PYROXD1: variants seen among roughly 807,000 people sequenced by gnomAD.
PYROXD1 encodes the protein pyridine nucleotide-disulphide oxidoreductase domain 1, also known as tRNA ligase complex-associated NAD(P)H dehydrogenase PYROXD1.
A neutral mutation model predicts 62.0 loss-of-function variants in PYROXD1; 42 were observed. The observed-to-expected ratio is 0.68, with a 90% CI of 0.53 to 0.88. PYROXD1 has a LOEUF of 0.88. Ranked by LOEUF, PYROXD1 falls within the 40% of genes least tolerant of loss-of-function variation. The pLI is 0.00. For missense variants in PYROXD1, 493 were observed against 604.8 expected (o/e 0.82, Z 1.94); for synonymous variants, 170 against 206.4 (o/e 0.82, Z 1.51).
chr12:21,460,949 G>GT (rs1942685900), intron 7 of PYROXD1, 76 bp from the exon 8 acceptor site: 7 of 926,744 alleles, frequency 7.6e-6, no homozygotes, highest in Middle Eastern at 3.7e-4. Flanking sequence ...ACAAGTATAC[G>GT]TTTTTTCTTC....
intron 5 of PYROXD1, among the ~76,000 whole-genome samples, chr12:21,452,834 AG>A (rs1297481867): frequency 6.6e-6 from 1 of 152,110 alleles, no homozygotes; most frequent in Non-Finnish European, 1.5e-5. Context: ...CAAACCACAA[AG>A]AGGACAAATT....
Position 21,461,152 on chromosome 12 carries a change from C to G in PYROXD1, c.878C>G (p.Thr293Arg). The G allele has an allele frequency of 1.3e-6, 2 of 1,517,162 alleles. No homozygotes were observed. The highest frequency in any genetic ancestry group is 1.8e-6 in the Non-Finnish European group (2 of 1,134,142). The allele number at this position is 1,517,162 out of a possible 1,614,324, so 94.0% of individuals were successfully genotyped here. A position where few individuals can be genotyped will look rare whatever the true frequency, so the allele number is the denominator to read the frequency against. The change falls in exon 8 of 12, where the codon ACA becomes AGA. Residue 293 changes from threonine to arginine, a missense_variant and splice_region_variant. Thr to Arg is a moderately conservative substitution (Grantham distance 71). Coordinates refer to ENST00000240651, the MANE Select transcript of PYROXD1 (RefSeq NM_024854.5). ...PRDHKSVTAD[T>R]EMWPVYVELT... ...GACCATAAGTCAGTTACAGCTGATA[C>G]AGGCAAGTAATGAAATAAGAAAAAA...
chr12:21,470,988 G>A lies in PYROXD1; in HGVS notation c.*2234G>A, dbSNP rs1473374235. ...ATTTACCCTGAAAGAGTTCTGCGTGGACTTTGTCACTTGCATAGTAATAGC... is the reference window on the plus strand; with the variant it reads ...ATTTACCCTGAAAGAGTTCTGCGTGAACTTTGTCACTTGCATAGTAATAGC... On this transcript the variant is annotated 3_prime_UTR_variant, in exon 12 of 12. Transcript: ENST00000240651. 6 of 1,557,674 alleles carry A rather than the reference G, an allele frequency of 3.9e-6. No individual in the cohort carries two copies. The highest frequency in any genetic ancestry group is 1.2e-5 in the South Asian group (1 of 81,504).
At chr12:21,458,803 C>T (rs544096570) in intron 7 of PYROXD1, among the ~76,000 whole-genome samples, 6 of 152,180 alleles carry the variant, frequency 3.9e-5, no homozygotes, top group Non-Finnish European at 5.9e-5. Flanking sequence ...CACCCCAAGA[C>T]AATTACAGTA....
At chr12:21,440,500 C>T (rs1380592026) in intron 2 of PYROXD1, 52 bp downstream of exon 2, 3 of 991,468 alleles carry the variant, frequency 3.0e-6, no homozygotes, top group South Asian at 1.4e-5. Flanking sequence ...ATTGCAATAA[C>T]TTGCATAGCA....
At chr12:21,441,607 G>A (rs146887556) in intron 2 of PYROXD1, among the ~76,000 whole-genome samples, 77 of 151,670 alleles carry the variant, frequency 5.1e-4, no homozygotes, top group Non-Finnish European at 7.9e-4. Context: ...ATCTTTCATC[G>A]TCAGAATTTC....
chr12:21,461,265 A>G, intron 8 of PYROXD1, 111 bp downstream of exon 8: 1 of 665,184 alleles, frequency 1.5e-6, no homozygotes, highest in Non-Finnish European at 2.3e-6. Flanking sequence ...TAAAATTTAA[A>G]CATGAAAAGT....
intron 1 of PYROXD1, among the ~76,000 whole-genome samples, chr12:21,439,612 A>AT (rs989885357): frequency 4.6e-5 from 7 of 151,592 alleles, no homozygotes; most frequent in Admixed American, 1.3e-4. Context: ...CATTAAAAAA[A>AT]AAATAAATAA....
At chr12:21,446,552 T>G (rs1942392856) in intron 3 of PYROXD1, among the ~76,000 whole-genome samples, 1 of 151,926 alleles carries the variant, frequency 6.6e-6, no homozygotes, top group Non-Finnish European at 1.5e-5. Context: ...GATAGGAGTG[T>G]TGAGCATGAA....
intron 7 of PYROXD1, among the ~76,000 whole-genome samples, chr12:21,457,678 T>A (rs1942622985): frequency 1.3e-5 from 2 of 151,996 alleles, no homozygotes; most frequent in Non-Finnish European, 2.9e-5. Context: ...ATGCACTTCT[T>A]ACATGGCCAG....
At position 21,455,203 on chromosome 12, in the gene PYROXD1, C is replaced by G. The variant is rs1384081840; in HGVS notation, c.560C>G (p.Ala187Gly). The change falls in exon 6 of 12, where the codon GCA (alanine) becomes GGA (glycine). Residue 187 changes from alanine (A) to glycine (G), a missense_variant. Physicochemically the swap from Ala to Gly is moderately conservative, Grantham distance 60. Coordinates refer to ENST00000240651, the MANE Select transcript of PYROXD1 (RefSeq NM_024854.5). ...DKAIGNTFFD[A>G]GAAEFLTSKL... ...GCTATAGGGAATACTTTCTTCGATGCAGGAGCAGCTGAATTCTTGACTTCA... is the reference window on the plus strand; with the variant it reads ...GCTATAGGGAATACTTTCTTCGATGGAGGAGCAGCTGAATTCTTGACTTCA... 6.3e-7 allele frequency: 1 copy of G among 1,575,568 alleles called. No homozygotes were observed. The highest frequency in any genetic ancestry group is 8.6e-7 in the Non-Finnish European group (1 of 1,160,304).
intron 4 of PYROXD1, among the ~76,000 whole-genome samples, chr12:21,450,634 G>C (rs1481144432): frequency 6.6e-6 from 1 of 152,112 alleles, no homozygotes; most frequent in Non-Finnish European, 1.5e-5. Context: ...CAAGTTCGTT[G>C]TTCTGTCTCA....
Position 21,471,063 on chromosome 12 carries a change from G to A in PYROXD1, c.*2309G>A, listed in dbSNP as rs759728105. 3.6e-5 allele frequency: 57 copies of A among 1,600,780 alleles called. No individual in the cohort carries two copies. Among genetic ancestry groups the A allele is most frequent in the South Asian group, 4.5e-5 (4 of 89,126 alleles). ...AGCTTTAGGTCCTATTTTCAAATAC[G>A]AAATGGTAGCATAAGCTGTAAAACT... is the stretch of plus-strand genomic sequence containing the variant. On this transcript the variant is annotated 3_prime_UTR_variant, in exon 12 of 12. Coordinates refer to ENST00000240651, the MANE Select transcript of PYROXD1 (RefSeq NM_024854.5).
At chr12:21,444,313 C>T (rs1428062787) in intron 2 of PYROXD1, among the ~76,000 whole-genome samples, 1 of 152,036 alleles carries the variant, frequency 6.6e-6, no homozygotes, top group Non-Finnish European at 1.5e-5. Flanking sequence ...TTATTGAGTA[C>T]CTATATTATA....
chr12:21,470,931 T>C lies in PYROXD1; in HGVS notation c.*2177T>C, dbSNP rs1942935356. 2.9e-6 allele frequency: 4 copies of C among 1,376,622 alleles called. No homozygotes were observed. The highest frequency in any genetic ancestry group is 1.8e-5 in the South Asian group (1 of 54,628). 85.3% of individuals were successfully genotyped at this position (1,376,622 alleles called of 1,614,324 possible). A position where few individuals can be genotyped will look rare whatever the true frequency, so the allele number is the denominator to read the frequency against. ...GCATCCCATAGGCTTTAATATACTT[T>C]TTAAAATATATAAAACTGAAAATTA... On this transcript the variant is annotated 3_prime_UTR_variant, in exon 12 of 12. Transcript: ENST00000240651.
At chr12:21,441,276 G>C (rs1353703122) in intron 2 of PYROXD1, 1 of 152,196 alleles carries the variant, frequency 6.6e-6, no homozygotes, top group African/African-American at 2.4e-5. Flanking sequence ...ATCCACCTCG[G>C]CCTCCCAAAT....
intron 5 of PYROXD1, among the ~76,000 whole-genome samples, chr12:21,453,083 A>G (rs942197473): frequency 5.3e-5 from 8 of 152,102 alleles, no homozygotes; most frequent in South Asian, 2.1e-4. Flanking sequence ...CCAAGAGGGA[A>G]GAGGTATAGA....
rs1942791693 is a variant in PYROXD1 at position 21,466,265 on chromosome 12, C to T, written c.1117-1216C>T. 2.0e-5 allele frequency among the ~76,000 whole-genome samples: 3 copies of T among 150,214 alleles called. No individual in the cohort carries two copies. In the South Asian group the frequency reaches 6.4e-4, roughly 32 times the overall value. Reference sequence around the variant, plus strand: ...CTATAAATTACCTTGGGCAGTATGGCCATTTTCACGATATTGATTCTTCCT... The same window carrying T: ...CTATAAATTACCTTGGGCAGTATGGTCATTTTCACGATATTGATTCTTCCT... On this transcript the variant is annotated intron_variant, in intron 10 of 11. Coordinates refer to ENST00000240651, the MANE Select transcript of PYROXD1 (RefSeq NM_024854.5).
intron 3 of PYROXD1, chr12:21,448,005 A>C: frequency 2.5e-6 from 1 of 392,634 alleles, no homozygotes. Context: ...ACACATGCGT[A>C]CTTTTGATAG....
Sources: allele counts gnomAD v4.1 joint callset (sites outside exome capture counted in the v4.1 genomes callset), GRCh38; gene constraint gnomAD v4.1.1; transcripts MANE v1.5; gene names NCBI Gene and HGNC (gene_info 2026-07-23, HGNC 2026-07-21).